DBX2: variants seen among roughly 807,000 people sequenced by gnomAD.
DBX2 encodes developing brain homeobox 2.
DBX2 carries 16 observed loss-of-function variants against 17.7 expected under a neutral mutation model. The observed-to-expected ratio is 0.90, with a 90% CI of 0.61 to 1.37. The LOEUF is 1.37. Ranked by LOEUF, DBX2 falls within the 40% of genes most tolerant of loss-of-function variation. The pLI is 0.00. For missense variants in DBX2, 538 were observed against 433.8 expected, an observed-to-expected ratio of 1.24 and a Z score of -2.13; for synonymous variants, 255 against 183.8, an observed-to-expected ratio of 1.39 and a Z score of -3.13.
At chr12:45,025,593 A>G (rs1946377067) in intron 2 of DBX2, among the ~76,000 whole-genome samples, 1 of 151,388 alleles carries the variant, frequency 6.6e-6, no homozygotes, top group African/African-American at 2.4e-5. Flanking sequence ...ACCCTAAAGG[A>G]GCTCACCTTC....
Position 45,014,902 on chromosome 12 carries a change from G to C in DBX2, c.*1384C>G, listed in dbSNP as rs1224438837. On this transcript the variant is annotated 3_prime_UTR_variant, in exon 4 of 4. Transcript: ENST00000332700. ...TTTTCTAAACACTAAACCCTCAAAA[G>C]ACGTTAACTTCTCAGACTCTAGTGG... 1 of 152,086 alleles carries C rather than the reference G, an allele frequency of 6.6e-6. No individual in the cohort carries two copies. Among genetic ancestry groups the C allele is most frequent in the Non-Finnish European group, 1.5e-5 (1 of 68,004 alleles). 9.4% of individuals were successfully genotyped at this position (152,086 alleles called of 1,614,324 possible). A position where few individuals can be genotyped will look rare whatever the true frequency, so the allele number is the denominator to read the frequency against.
intron 1 of DBX2, among the ~76,000 whole-genome samples, chr12:45,045,785 T>C (rs1043310073): frequency 6.6e-6 from 1 of 152,148 alleles, no homozygotes; most frequent in Admixed American, 6.5e-5. Context: ...AGTGGTGCAA[T>C]CACAGAAATC....
At chr12:45,023,399 A>C (rs1946363723) in intron 3 of DBX2, among the ~76,000 whole-genome samples, 1 of 152,302 alleles carries the variant, frequency 6.6e-6, no homozygotes, top group Admixed American at 6.5e-5. Flanking sequence ...CATCCTTAGC[A>C]TCTCTCTTCA....
intron 2 of DBX2, among the ~76,000 whole-genome samples, chr12:45,031,365 T>C (rs1946410233): frequency 6.6e-6 from 1 of 152,150 alleles, no homozygotes; most frequent in African/African-American, 2.4e-5. Flanking sequence ...ATCTTGTATG[T>C]GGGGGTGCCA....
intron 2 of DBX2, among the ~76,000 whole-genome samples, chr12:45,027,206 C>T (rs1021663072): frequency 5.9e-5 from 9 of 152,148 alleles, no homozygotes; most frequent in Non-Finnish European, 1.2e-4. Context: ...AATTTCAGTG[C>T]TTAGCTCACA....
intron 3 of DBX2, among the ~76,000 whole-genome samples, chr12:45,023,383 T>C (rs1592751392): frequency 1.3e-5 from 2 of 152,208 alleles, no homozygotes; most frequent in Admixed American, 1.3e-4. Flanking sequence ...TATAATGTAA[T>C]TACCACATCC....
At chr12:45,044,918 A>T (rs958431977) in intron 1 of DBX2, among the ~76,000 whole-genome samples, 4 of 152,182 alleles carry the variant, frequency 2.6e-5, no homozygotes, top group Non-Finnish European at 5.9e-5. Flanking sequence ...AAAAAGAATG[A>T]AAGAGAGAGA....
In DBX2 at chr12:45,016,129, C is replaced by A. The variant is rs1428795480; in HGVS notation, c.*157G>T. 2 of 712,500 alleles carry A rather than the reference C, an allele frequency of 2.8e-6. No individual in the cohort carries two copies. The highest frequency in any genetic ancestry group is 3.6e-5 in the African/African-American group (2 of 55,060). 44.1% of individuals were successfully genotyped at this position (712,500 alleles called of 1,614,324 possible). On this transcript the variant is annotated 3_prime_UTR_variant, in exon 4 of 4. Coordinates refer to ENST00000332700, the MANE Select transcript of DBX2 (RefSeq NM_001004329.3). ...AATTAAGCCTGAGTCTAGGGCCAAA[C>A]AAGAGAACACTAGAGTGGGTTTCCT... is the stretch of plus-strand genomic sequence containing the variant.
At chr12:45,031,508 T>A (rs1209765780) in intron 2 of DBX2, among the ~76,000 whole-genome samples, 1 of 152,174 alleles carries the variant, frequency 6.6e-6, no homozygotes, top group Non-Finnish European at 1.5e-5. Context: ...ACAGTAGACC[T>A]GAGTTAAAGA....
In DBX2 at chr12:45,023,783, A is replaced by T; in HGVS notation, c.611T>A (p.Met204Lys). The change falls in exon 3 of 4, where the codon ATG becomes AAG. Residue 204 changes from methionine (M) to lysine (K), a missense_variant. Transcript: ENST00000332700. ...SEDQRKALEKMFQKQKYISKT... is the reference protein window; with the variant it reads ...SEDQRKALEKKFQKQKYISKT... ...GCTGATATATTTCTGTTTCTGAAACATTTTCTCCAGAGCCTTTCTCTGGTC... is the reference window on the plus strand; with the variant it reads ...GCTGATATATTTCTGTTTCTGAAACTTTTTCTCCAGAGCCTTTCTCTGGTC... 1.9e-6 allele frequency: 3 copies of T among 1,613,916 alleles called. No individual in the cohort carries two copies. The highest frequency in any genetic ancestry group is 2.5e-6 in the Non-Finnish European group (3 of 1,179,944).
intron 3 of DBX2, among the ~76,000 whole-genome samples, chr12:45,017,018 TCAAA>T (rs1946327815): frequency 2.0e-5 from 3 of 152,008 alleles, no homozygotes; most frequent in South Asian, 2.1e-4. Flanking sequence ...ACTCCTGAGC[TCAAA>T]CAATCTGCCC....
chr12:45,042,543 G>A (rs1244761165), intron 1 of DBX2, among the ~76,000 whole-genome samples: 1 of 152,192 alleles, frequency 6.6e-6, no homozygotes, highest in Admixed American at 6.5e-5. Flanking sequence ...TGAACATTAA[G>A]CAATGTGGCT....
intron 2 of DBX2, among the ~76,000 whole-genome samples, chr12:45,025,089 A>T (rs1946374381): frequency 6.6e-6 from 1 of 152,198 alleles, no homozygotes; most frequent in African/African-American, 2.4e-5. Context: ...ACCTGTGAAT[A>T]TGTTATGTTA....
chr12:45,018,705 A>G (rs1946335978), intron 3 of DBX2, among the ~76,000 whole-genome samples: 1 of 152,126 alleles, frequency 6.6e-6, no homozygotes, highest in African/African-American at 2.4e-5. Flanking sequence ...TATTCGCAGC[A>G]GCATTATTCA....
At chr12:45,036,268 G>C (rs1271234893) in intron 1 of DBX2, among the ~76,000 whole-genome samples, 154 bp from the exon 2 acceptor site, 1 of 152,128 alleles carries the variant, frequency 6.6e-6, no homozygotes, top group Non-Finnish European at 1.5e-5. Flanking sequence ...GTCTGTCAAA[G>C]AGCATGCCAA....
At chr12:45,021,169 T>C (rs1249538433) in intron 3 of DBX2, among the ~76,000 whole-genome samples, 2 of 152,184 alleles carry the variant, frequency 1.3e-5, no homozygotes, top group Admixed American at 6.5e-5. Context: ...AATTGATACA[T>C]TTGTGTAATG....
intron 2 of DBX2, among the ~76,000 whole-genome samples, chr12:45,024,525 C>A (rs1946370698): frequency 6.6e-6 from 1 of 152,208 alleles, no homozygotes. Context: ...GGTTACAAAG[C>A]CCCGATACGG....
At chr12:45,041,748 A>G (rs1030606951) in intron 1 of DBX2, among the ~76,000 whole-genome samples, 4 of 152,210 alleles carry the variant, frequency 2.6e-5, no homozygotes, top group African/African-American at 7.2e-5. Context: ...TGTACTGCCT[A>G]TCTGTCAAGT....
intron 1 of DBX2, among the ~76,000 whole-genome samples, chr12:45,041,078 G>C (rs1371403164): frequency 3.4e-5 from 5 of 147,122 alleles, no homozygotes; most frequent in Non-Finnish European, 7.5e-5. Flanking sequence ...AGGAAAGAAT[G>C]ACAGGGAAGT....
Sources: gnomAD v4.1 joint callset for allele counts (sites outside exome capture counted in the v4.1 genomes callset) on GRCh38, gnomAD v4.1.1 for gene constraint, MANE v1.5 for transcripts, NCBI Gene and HGNC (gene_info 2026-07-23, HGNC 2026-07-21) for gene names.